Variants in RBM27 observed in about 807,000 individuals in gnomAD.
The protein encoded by RBM27 is RNA-binding protein 27.
Under a neutral mutation model 135.3 loss-of-function variants are expected in RBM27, and 22 were observed. The observed-to-expected ratio is 0.16, with a 90% CI of 0.12 to 0.23. The LOEUF (loss-of-function observed/expected upper bound fraction) is 0.23, where lower values mean the gene tolerates loss of function less well. Ranked by LOEUF, RBM27 falls within the 10% of genes least tolerant of loss-of-function variation. The probability of loss-of-function intolerance (pLI) is 1.00; values close to 1 mark genes in which losing one functional copy is unlikely to be tolerated. For missense variants in RBM27, 1,009 were observed against 1,281.0 expected, an observed-to-expected ratio of 0.79 and a Z score of 3.24; for synonymous variants, 481 against 442.4, an observed-to-expected ratio of 1.09 and a Z score of -1.10.
At chr5:146,214,583 A>G (rs1333730028) in intron 1 of RBM27, among the ~76,000 whole-genome samples, 2 of 152,208 alleles carry the variant, frequency 1.3e-5, no homozygotes, top group African/African-American at 4.8e-5. Flanking sequence ...TAGAGATTAT[A>G]TAGTGAGGGG....
rs1054897319 is a variant in RBM27 at position 146,211,132 on chromosome 5, T to C, written c.59+7308T>C. On this transcript the variant is annotated intron_variant, in intron 1 of 20. Transcript: ENST00000265271. Reference sequence around the variant, plus strand: ...TACAAAAAAATAAAAAAAATAGCCTTAGTCAGGCATGGTGGTTCACACCTG... The same window carrying C: ...TACAAAAAAATAAAAAAAATAGCCTCAGTCAGGCATGGTGGTTCACACCTG... Among the ~76,000 whole-genome samples, 32 of 151,760 alleles carry C rather than the reference T, an allele frequency of 2.1e-4. 1 individual carries two copies. The highest frequency in any genetic ancestry group is 6.8e-3 in the Middle Eastern group (2 of 294).
intron 1 of RBM27, among the ~76,000 whole-genome samples, chr5:146,204,665 G>A (rs1331426290): frequency 6.6e-6 from 1 of 152,138 alleles, no homozygotes; most frequent in Non-Finnish European, 1.5e-5. Context: ...TGGTGTTGGA[G>A]GAATAAAAGG....
chr5:146,269,742 CTTTTTTTTTTTT>C (rs34783557), intron 17 of RBM27, among the ~76,000 whole-genome samples, 158 bp downstream of exon 17: 1 of 118,936 alleles, frequency 8.4e-6, no homozygotes, highest in Non-Finnish European at 1.7e-5. Context: ...ATTATAGTAC[CTTTTTTTTTTTT>C]TTTTTTTTTT....
At chr5:146,275,586 A>C (rs1264782141) in intron 19 of RBM27, among the ~76,000 whole-genome samples, 1 of 152,156 alleles carries the variant, frequency 6.6e-6, no homozygotes, top group African/African-American at 2.4e-5. Flanking sequence ...CTTTTTAAAA[A>C]ATAGAAAAAT....
intron 10 of RBM27, among the ~76,000 whole-genome samples, chr5:146,257,963 T>G (rs1346987316): frequency 6.6e-6 from 1 of 152,172 alleles, no homozygotes; most frequent in African/African-American, 2.4e-5. Flanking sequence ...ATTACAGGCA[T>G]GCACCACCAT....
intron 1 of RBM27, among the ~76,000 whole-genome samples, chr5:146,218,155 A>G (rs1171557159): frequency 1.3e-5 from 2 of 152,012 alleles, no homozygotes; most frequent in Non-Finnish European, 2.9e-5. Context: ...ATGTGTGTGT[A>G]TATATATATG....
At chr5:146,239,531 A>G (rs1364023147) in intron 8 of RBM27, among the ~76,000 whole-genome samples, 1 of 127,556 alleles carries the variant, frequency 7.8e-6, no homozygotes, top group Admixed American at 9.3e-5. Flanking sequence ...AGGCTGGAGT[A>G]CAGTGGTGCA....
rs559485010 is a variant in RBM27, at chr5:146,261,374, C to G, written c.1894-136C>G. On this transcript the variant is annotated intron_variant, in intron 12 of 20. Coordinates refer to ENST00000265271, the MANE Select transcript of RBM27 (RefSeq NM_018989.2). ...CTTAATTACATCCTAAAAGCTCTAT[C>G]TCTAAAACAGTAATGTTGGAGTTTA... 6.7e-6 allele frequency: 5 copies of G among 749,320 alleles called. No homozygotes were observed. In the South Asian group the frequency reaches 7.6e-5, roughly 11 times the overall value. 46.4% of individuals were successfully genotyped at this position (749,320 alleles called of 1,614,324 possible).
intron 2 of RBM27, among the ~76,000 whole-genome samples, chr5:146,222,397 A>T (rs1027390227): frequency 1.3e-5 from 2 of 152,174 alleles, no homozygotes; most frequent in Non-Finnish European, 2.9e-5. Flanking sequence ...TTTTAATAAG[A>T]CATAGGCTGG....
chr5:146,247,439 C>T (rs991076325), intron 8 of RBM27, among the ~76,000 whole-genome samples: 1 of 152,102 alleles, frequency 6.6e-6, no homozygotes, highest in Non-Finnish European at 1.5e-5. Flanking sequence ...CCTTTTGTAC[C>T]TGGTTTATTT....
At chr5:146,253,088 C>T (rs1757963841) in intron 9 of RBM27, among the ~76,000 whole-genome samples, 1 of 152,158 alleles carries the variant, frequency 6.6e-6, no homozygotes, top group Admixed American at 6.6e-5. Context: ...ACCTCCACCT[C>T]CAGGGTCCAA....
chr5:146,258,060 C>A (rs184130036), intron 10 of RBM27, among the ~76,000 whole-genome samples: 3 of 152,216 alleles, frequency 2.0e-5, no homozygotes, highest in Non-Finnish European at 4.4e-5. Context: ...CTCAGGTGAT[C>A]CGCCCGCCTC....
chr5:146,250,927 C>T (rs1757857664), intron 8 of RBM27, among the ~76,000 whole-genome samples: 1 of 151,868 alleles, frequency 6.6e-6, no homozygotes, highest in Admixed American at 6.6e-5. Flanking sequence ...CAGGTGCCCA[C>T]CACGACGCCC....
At position 146,276,544 on chromosome 5, in the gene RBM27, C is replaced by G. The variant is rs1471048053; in HGVS notation, c.2988+4870C>G. ...GACTTCGCACATAGTTAGCTTTTCC[C>G]CACAGCCTCTCAAGACAGGGATTTT... On this transcript the variant is annotated intron_variant, in intron 19 of 20. Transcript: ENST00000265271. 3.9e-5 allele frequency among the ~76,000 whole-genome samples: 6 copies of G among 152,314 alleles called. No individual in the cohort carries two copies. The East Asian group carries it at 9.6e-4, about 24-fold the overall frequency.
intron 8 of RBM27, among the ~76,000 whole-genome samples, chr5:146,246,509 A>G (rs1420762935): frequency 1.3e-5 from 2 of 152,170 alleles, no homozygotes; most frequent in Non-Finnish European, 1.5e-5. Flanking sequence ...AACCTATTTG[A>G]TAGTGAACAT....
rs1262448003 is a variant in RBM27, at chr5:146,270,419, ATG to A, written c.2692-533_2692-532del. Reference sequence around the variant, plus strand: ...ATTTCTTCTTAAAGATATAATAAAAATGTTTTTTATTGAAATCTTTTCTAATT... The same window carrying A: ...ATTTCTTCTTAAAGATATAATAAAAATTTTTTATTGAAATCTTTTCTAATT... On this transcript the variant is annotated intron_variant, in intron 17 of 20. Coordinates refer to ENST00000265271, the MANE Select transcript of RBM27 (RefSeq NM_018989.2). Among the ~76,000 whole-genome samples the A allele has an allele frequency of 5.3e-5, 8 of 152,316 alleles. No homozygotes were observed. The East Asian group carries it at 1.5e-3, about 29-fold the overall frequency.
rs142237466 is a variant in RBM27, at chr5:146,206,352, T to G, written c.59+2528T>G. Among the ~76,000 whole-genome samples, 37 of 150,216 alleles carry G rather than the reference T, an allele frequency of 2.5e-4. No individual in the cohort carries two copies. The East Asian group carries it at 6.6e-3, about 27-fold the overall frequency. On this transcript the variant is annotated intron_variant, in intron 1 of 20. Coordinates refer to ENST00000265271, the MANE Select transcript of RBM27 (RefSeq NM_018989.2). ...TTGAAGGTTAGTCTGGGTGGGAGCT[T>G]CTTCTTGCTTAGGCTTTTTTTTTTT... is the stretch of plus-strand genomic sequence containing the variant.
At chr5:146,212,862 C>T (rs560340226) in intron 1 of RBM27, among the ~76,000 whole-genome samples, 1 of 151,994 alleles carries the variant, frequency 6.6e-6, no homozygotes, top group Non-Finnish European at 1.5e-5. Flanking sequence ...TACAAGCACC[C>T]ACTACCGTGC....
chr5:146,226,628 G>C (rs1287798743), intron 3 of RBM27, among the ~76,000 whole-genome samples: 1 of 151,920 alleles, frequency 6.6e-6, no homozygotes, highest in Non-Finnish European at 1.5e-5. Flanking sequence ...TGATTCACCT[G>C]CCTTGGCCTC....
Sources: gnomAD v4.1 joint callset for allele counts (sites outside exome capture counted in the v4.1 genomes callset) on GRCh38, gnomAD v4.1.1 for gene constraint, MANE v1.5 for transcripts, NCBI Gene and HGNC (gene_info 2026-07-23, HGNC 2026-07-21) for gene names.